KHDRBS2: variants seen among roughly 807,000 people sequenced by gnomAD.
The protein encoded by KHDRBS2 is KH RNA binding domain containing, signal transduction associated 2.
Under a neutral mutation model 44.3 loss-of-function variants are expected in KHDRBS2, and 26 were observed. The ratio of observed to expected loss-of-function variants is 0.59; its 90% confidence interval spans 0.43 to 0.81. KHDRBS2 has a LOEUF of 0.81. KHDRBS2 is among the 40% of genes least tolerant of loss of function. The pLI, the probability that KHDRBS2 is intolerant of heterozygous loss-of-function variation, is 0.00. For synonymous variants in KHDRBS2, 194 were observed against 151.1 expected, an observed-to-expected ratio of 1.28 and a Z score of -2.08; for missense variants, 476 against 433.1, an observed-to-expected ratio of 1.10 and a Z score of -0.88.
the KHDRBS2 span, among the ~76,000 whole-genome samples, chr6:61,610,889 T>C: frequency 6.6e-6 from 1 of 152,200 alleles, no homozygotes; most frequent in Non-Finnish European, 1.5e-5. Flanking sequence ...TCCACTCTTA[T>C]AACTTAATAA....
At chr6:62,251,971 C>T (rs1184939976) in intron 1 of KHDRBS2, among the ~76,000 whole-genome samples, 4 of 151,688 alleles carry the variant, frequency 2.6e-5, no homozygotes, top group African/African-American at 9.7e-5. Context: ...ATTTATAATA[C>T]CTCAAAGTGG....
intron 1 of KHDRBS2, among the ~76,000 whole-genome samples, chr6:62,250,985 T>A (rs1836429797): frequency 6.6e-6 from 1 of 151,956 alleles, no homozygotes; most frequent in African/African-American, 2.4e-5. Flanking sequence ...AATATTACTG[T>A]GTTAATGATA....
At chr6:61,750,760 T>TAAAAAAAAA (rs61576563) in intron 6 of KHDRBS2, among the ~76,000 whole-genome samples, 1 of 116,494 alleles carries the variant, frequency 8.6e-6, no homozygotes, top group Non-Finnish European at 1.9e-5. Context: ...GAGAAAAAAG[T>TAAAAAAAAA]AAAAAAAAAA....
At chr6:61,549,044 G>C in the KHDRBS2 span, among the ~76,000 whole-genome samples, 8 of 152,068 alleles carry the variant, frequency 5.3e-5, no homozygotes, top group African/African-American at 1.9e-4. Context: ...TCTAACACAT[G>C]ATTCTGAAAG....
intron 3 of KHDRBS2, among the ~76,000 whole-genome samples, chr6:62,010,528 C>T (rs190826539): frequency 3.9e-5 from 6 of 152,210 alleles, no homozygotes; most frequent in Admixed American, 2.0e-4. Flanking sequence ...ATAATATGGT[C>T]TAGCTCTGTG....
chr6:61,882,946 A>G (rs1352299598), intron 6 of KHDRBS2, among the ~76,000 whole-genome samples: 1 of 152,040 alleles, frequency 6.6e-6, no homozygotes, highest in African/African-American at 2.4e-5. Context: ...CAACCAACAA[A>G]ATCCAAAGTG....
intron 2 of KHDRBS2, among the ~76,000 whole-genome samples, chr6:62,164,733 TATTA>T (rs1337723592): frequency 2.0e-5 from 3 of 151,932 alleles, no homozygotes; most frequent in Non-Finnish European, 2.9e-5. Context: ...GCCTTTGTGA[TATTA>T]ATTAATTTTG....
At chr6:61,873,123 A>G (rs769457241) in intron 6 of KHDRBS2, among the ~76,000 whole-genome samples, 3 of 152,106 alleles carry the variant, frequency 2.0e-5, no homozygotes, top group Non-Finnish European at 2.9e-5. Flanking sequence ...AATTTCTTAC[A>G]TAAGACATAA....
intron 1 of KHDRBS2, among the ~76,000 whole-genome samples, chr6:62,272,943 A>G (rs1347665101): frequency 1.3e-5 from 2 of 152,162 alleles, no homozygotes; most frequent in African/African-American, 4.8e-5. Context: ...CAAAAGAAAC[A>G]ATATGCAGCT....
At chr6:61,874,242 T>C (rs1281774686) in intron 6 of KHDRBS2, among the ~76,000 whole-genome samples, 8 of 152,186 alleles carry the variant, frequency 5.3e-5, no homozygotes, top group Non-Finnish European at 1.2e-4. Flanking sequence ...TTTAATAGTA[T>C]ATGTCTTCAC....
the KHDRBS2 span, among the ~76,000 whole-genome samples, chr6:61,599,461 G>GC: frequency 0.34 from 52,178 of 151,734 alleles, 9,726 homozygotes; most frequent in East Asian, 0.49. Context: ...AGAAGATGTA[G>GC]CCCCCCCAAA....
the KHDRBS2 span, among the ~76,000 whole-genome samples, chr6:61,577,003 T>C: frequency 2.0e-5 from 3 of 152,198 alleles, no homozygotes; most frequent in South Asian, 6.2e-4. Flanking sequence ...GTTTTTCAGA[T>C]GGGAGGATAA....
the KHDRBS2 span, among the ~76,000 whole-genome samples, chr6:61,546,897 A>G: frequency 2.0e-5 from 3 of 152,020 alleles, no homozygotes; most frequent in African/African-American, 7.2e-5. Context: ...TCATTCATTC[A>G]TCCATTTTCC....
At chr6:61,571,362 G>A in the KHDRBS2 span, among the ~76,000 whole-genome samples, 3,714 of 152,128 alleles carry the variant, frequency 0.024, 71 homozygotes, top group Middle Eastern at 0.085. Context: ...AGTTCAACAG[G>A]AAAAGATCAC....
intron 6 of KHDRBS2, among the ~76,000 whole-genome samples, chr6:61,747,336 T>C (rs1777019191): frequency 2.0e-5 from 3 of 152,174 alleles, no homozygotes; most frequent in Admixed American, 1.3e-4. Context: ...AACTTCTTGG[T>C]GTTATGTTGG....
chr6:62,118,108 G>T (rs1806718971), intron 2 of KHDRBS2, among the ~76,000 whole-genome samples: 1 of 152,170 alleles, frequency 6.6e-6, no homozygotes, highest in South Asian at 2.1e-4. Flanking sequence ...TGAGAGATAG[G>T]TGTCTAGTTT....
At chr6:61,796,566 A>C (rs1292474895) in intron 6 of KHDRBS2, among the ~76,000 whole-genome samples, 1 of 152,076 alleles carries the variant, frequency 6.6e-6, no homozygotes, top group East Asian at 1.9e-4. Flanking sequence ...CTATTAGTAA[A>C]TGATTTTATA....
chr6:62,251,076 A>T (rs1648061057), intron 1 of KHDRBS2, among the ~76,000 whole-genome samples: 1 of 151,950 alleles, frequency 6.6e-6, no homozygotes, highest in African/African-American at 2.4e-5. Context: ...ATGTAAGTGA[A>T]TATCTCTACT....
chr6:61,960,741 A>G (rs899769761), intron 4 of KHDRBS2, among the ~76,000 whole-genome samples: 5 of 152,152 alleles, frequency 3.3e-5, no homozygotes, highest in African/African-American at 1.2e-4. Flanking sequence ...CTTCCTATAC[A>G]TAAATTTATT....
Sources: allele counts gnomAD v4.1 joint callset (sites outside exome capture counted in the v4.1 genomes callset), GRCh38; gene constraint gnomAD v4.1.1; transcripts MANE v1.5; gene names NCBI Gene and HGNC (gene_info 2026-07-23, HGNC 2026-07-21).